The following SRGAP2B variants were observed in gnomAD, a reference collection of about 807,000 sequenced individuals.
SRGAP2B encodes the protein SLIT-ROBO Rho GTPase-activating protein 2B.
A neutral mutation model predicts 22.2 loss-of-function variants in SRGAP2B; 9 were observed. That is an observed-to-expected ratio of 0.41 (90% CI 0.24 to 0.71). The LOEUF is 0.71. SRGAP2B is among the 30% of genes least tolerant of loss of function. SRGAP2B has a pLI of 0.35. For missense variants in SRGAP2B, 114 were observed against 235.8 expected (o/e 0.48, Z 3.38); for synonymous variants, 36 against 87.4 (o/e 0.41, Z 3.28).
chr1:144,931,404 TA>T (rs1665170168), intron 4 of SRGAP2B, among the ~76,000 whole-genome samples: 1 of 150,588 alleles, frequency 6.6e-6, no homozygotes, highest in Admixed American at 6.6e-5. Context: ...AGTAAGCACC[TA>T]ATAATTACAG....
At chr1:145,025,981 G>A (rs1290817566) in intron 2 of SRGAP2B, among the ~76,000 whole-genome samples, 1 of 137,566 alleles carries the variant, frequency 7.3e-6, no homozygotes, top group Non-Finnish European at 1.6e-5. Flanking sequence ...GGGAAAGAAT[G>A]AATGAAAATC....
intron 2 of SRGAP2B, among the ~76,000 whole-genome samples, chr1:145,042,296 T>C (rs1405097299): frequency 6.6e-6 from 1 of 150,492 alleles, no homozygotes; most frequent in Non-Finnish European, 1.5e-5. Flanking sequence ...AGTGTCTACA[T>C]TCTCCCTGTC....
intron 3 of SRGAP2B, among the ~76,000 whole-genome samples, chr1:144,965,368 C>A (rs1326413591): frequency 1.5e-5 from 2 of 136,686 alleles, no homozygotes; most frequent in African/African-American, 6.1e-5. Context: ...AGGCACCCCC[C>A]AGCAGGGGCA....
At chr1:144,934,465 A>T (rs1665476496) in intron 4 of SRGAP2B, among the ~76,000 whole-genome samples, 1 of 148,942 alleles carries the variant, frequency 6.7e-6, no homozygotes, top group Non-Finnish European at 1.5e-5. Flanking sequence ...GTTAATCTAT[A>T]AAAAATGTGA....
intron 3 of SRGAP2B, among the ~76,000 whole-genome samples, chr1:144,971,141 T>C (rs1465019080): frequency 6.7e-6 from 1 of 149,944 alleles, no homozygotes; most frequent in African/African-American, 2.5e-5. Flanking sequence ...CTTTTTTTTT[T>C]TTTTTTGAGA....
chr1:144,905,479 C>T (rs1362949055), intron 6 of SRGAP2B, among the ~76,000 whole-genome samples: 1 of 149,624 alleles, frequency 6.7e-6, no homozygotes, highest in East Asian at 2.0e-4. Flanking sequence ...TTCATTCTTG[C>T]AATGCCACTC....
chr1:145,015,698 G>A (rs1334270990), intron 2 of SRGAP2B, among the ~76,000 whole-genome samples: 1 of 142,602 alleles, frequency 7.0e-6, no homozygotes, highest in South Asian at 2.2e-4. Flanking sequence ...CAAAGGCCCA[G>A]AGGCAACAGA....
At chr1:145,062,968 C>G (rs1199118882) in intron 2 of SRGAP2B, among the ~76,000 whole-genome samples, 1 of 149,084 alleles carries the variant, frequency 6.7e-6, no homozygotes, top group Non-Finnish European at 1.5e-5. Context: ...TTTCTCACTA[C>G]AAACAAAATA....
At chr1:145,025,019 C>A (rs1294207005) in intron 2 of SRGAP2B, among the ~76,000 whole-genome samples, 12 of 145,256 alleles carry the variant, frequency 8.3e-5, no homozygotes, top group Non-Finnish European at 1.5e-4. Flanking sequence ...AGTGACCACC[C>A]ACAGACGGAT....
chr1:144,991,075 C>T (rs3967873), intron 3 of SRGAP2B, among the ~76,000 whole-genome samples: 9,876 of 150,500 alleles, frequency 0.066, 1,568 homozygotes, highest in African/African-American at 0.23. Flanking sequence ...ACCTGCAGCC[C>T]CGGTGCGGGA....
At position 144,990,654 on chromosome 1, in the gene SRGAP2B, G is replaced by A. The variant is rs1373867827; in HGVS notation, c.260+4354C>T. On this transcript the variant is annotated intron_variant, in intron 3 of 9. Transcript: ENST00000612199. ...GCTTGCAGGGAGGTGTGGAGGGAGAGGCACGAGCGGGAACCGGGGCTGCGT... is the reference window on the plus strand; with the variant it reads ...GCTTGCAGGGAGGTGTGGAGGGAGAAGCACGAGCGGGAACCGGGGCTGCGT... Among the ~76,000 whole-genome samples, 34 of 148,688 alleles carry A rather than the reference G, an allele frequency of 2.3e-4. 2 individuals are homozygous for A. The highest frequency in any genetic ancestry group is 8.4e-4 in the African/African-American group (33 of 39,114).
chr1:145,009,880 A>G (rs1358159923), intron 2 of SRGAP2B, among the ~76,000 whole-genome samples: 1 of 116,214 alleles, frequency 8.6e-6, no homozygotes, highest in East Asian at 2.3e-4. Context: ...ACAAAGACTT[A>G]TAATGTTTAA....
intron 2 of SRGAP2B, among the ~76,000 whole-genome samples, chr1:145,081,300 A>T (rs1458810007): frequency 6.7e-6 from 1 of 149,810 alleles, no homozygotes; most frequent in African/African-American, 2.5e-5. Context: ...GCTGAGACAT[A>T]AGAAGCACTT....
chr1:145,018,270 CA>C (rs1381728525), intron 2 of SRGAP2B, among the ~76,000 whole-genome samples: 3 of 77,506 alleles, frequency 3.9e-5, no homozygotes, highest in East Asian at 6.8e-4. Flanking sequence ...CACACTCACC[CA>C]AAAAAGTCTG....
intron 2 of SRGAP2B, among the ~76,000 whole-genome samples, chr1:144,997,528 G>T (rs1317086399): frequency 6.7e-6 from 1 of 150,010 alleles, no homozygotes; most frequent in Non-Finnish European, 1.5e-5. Flanking sequence ...TGGATGGGCA[G>T]TAAGGCTGTC....
At chr1:144,986,445 C>CTACA (rs1430657830) in intron 3 of SRGAP2B, among the ~76,000 whole-genome samples, 7 of 149,600 alleles carry the variant, frequency 4.7e-5, no homozygotes, top group Admixed American at 1.3e-4. Context: ...AAAATCAAGG[C>CTACA]TACAGTTCAC....
intron 4 of SRGAP2B, among the ~76,000 whole-genome samples, chr1:144,926,586 G>T (rs1664744131): frequency 6.6e-6 from 1 of 151,576 alleles, no homozygotes; most frequent in Admixed American, 6.6e-5. Flanking sequence ...GCCTGGTGTG[G>T]TGGCTCATGC....
chr1:144,925,739 G>C (rs1466336098), intron 4 of SRGAP2B, among the ~76,000 whole-genome samples: 2 of 101,364 alleles, frequency 2.0e-5, no homozygotes, highest in African/African-American at 3.8e-5. Context: ...AAGAAAGAAA[G>C]AAAGAAAGAA....
At chr1:144,911,852 C>A (rs1238159475) in intron 5 of SRGAP2B, among the ~76,000 whole-genome samples, 1 of 144,494 alleles carries the variant, frequency 6.9e-6, no homozygotes, top group Non-Finnish European at 1.5e-5. Context: ...ATCTCCTGAC[C>A]TCATGATCCG....
Sources: gnomAD v4.1 joint callset for allele counts (sites outside exome capture counted in the v4.1 genomes callset) on GRCh38, gnomAD v4.1.1 for gene constraint, MANE v1.5 for transcripts, NCBI Gene and HGNC (gene_info 2026-07-23, HGNC 2026-07-21) for gene names.